The following DRGX variants were observed in gnomAD, a reference collection of about 807,000 sequenced individuals.
DRGX encodes the protein dorsal root ganglia homeobox.
A neutral mutation model predicts 28.6 loss-of-function variants in DRGX; 21 were observed. The observed-to-expected ratio is 0.73, with a 90% CI of 0.52 to 1.06. The LOEUF (loss-of-function observed/expected upper bound fraction) is 1.06. DRGX is among the 50% of genes least tolerant of loss of function. DRGX has a pLI of 0.00. For synonymous variants in DRGX, 136 were observed against 139.1 expected (o/e 0.98, Z 0.16); for missense variants, 354 against 343.9 (o/e 1.03, Z -0.23).
At chr10:49,392,340 A>T (rs1849915576) in intron 2 of DRGX, among the ~76,000 whole-genome samples, 1 of 152,172 alleles carries the variant, frequency 6.6e-6, no homozygotes, top group African/African-American at 2.4e-5. Flanking sequence ...AGTTCCTTTT[A>T]GTTATTCTTT....
chr10:49,391,277 T>G lies in DRGX; in HGVS notation c.35-16A>C. 6.2e-7 allele frequency: 1 copy of G among 1,604,634 alleles called. No homozygotes were observed. The highest frequency in any genetic ancestry group is 8.5e-7 in the Non-Finnish European group (1 of 1,175,306). ...GTTGCAGTGCCTACCAAGAGCAAAC[T>G]GATCAACCTGGGCAGGAAGGGGCCC... On this transcript the variant is annotated splice_polypyrimidine_tract_variant and intron_variant, in intron 2 of 6. Coordinates refer to ENST00000374139, the MANE Select transcript of DRGX (RefSeq NM_001276451.2).
chr10:49,378,985 A>C (rs1849745655), intron 6 of DRGX, among the ~76,000 whole-genome samples: 1 of 152,334 alleles, frequency 6.6e-6, no homozygotes, highest in Admixed American at 6.5e-5. Flanking sequence ...CAAAATTTGA[A>C]ATGCTGTAAA....
chr10:49,377,421 G>T (rs1849728052), intron 6 of DRGX, among the ~76,000 whole-genome samples: 1 of 152,196 alleles, frequency 6.6e-6, no homozygotes, highest in African/African-American at 2.4e-5. Flanking sequence ...AGTCTTCAAT[G>T]GACCACACCT....
chr10:49,382,456 C>T (rs952934687), intron 6 of DRGX, among the ~76,000 whole-genome samples: 10 of 152,176 alleles, frequency 6.6e-5, no homozygotes, highest in Non-Finnish European at 1.3e-4. Flanking sequence ...AACAGCTGTG[C>T]CCAGCTACCT....
In DRGX at chr10:49,365,990, C is replaced by T; in HGVS notation, c.*126G>A. 1 of 1,230,008 alleles carries T rather than the reference C, an allele frequency of 8.1e-7. No individual in the cohort carries two copies. Among genetic ancestry groups the T allele is most frequent in the Non-Finnish European group, 1.1e-6 (1 of 925,486 alleles). 76.2% of individuals were successfully genotyped at this position (1,230,008 alleles called of 1,614,324 possible). On this transcript the variant is annotated 3_prime_UTR_variant, in exon 7 of 7. Transcript: ENST00000374139. ...GGAGCTGTGGGTCTCACTTGCCCGT[C>T]CTGGGTCCATGCAGAGGCCCTGGGG...
intron 6 of DRGX, among the ~76,000 whole-genome samples, chr10:49,377,905 T>C (rs1406953470): frequency 1.3e-5 from 2 of 152,108 alleles, no homozygotes; most frequent in African/African-American, 4.8e-5. Context: ...GAATGGAGAT[T>C]ATAAGAAAAA....
In DRGX at chr10:49,376,703, C is replaced by A. The variant is rs113248308; in HGVS notation, c.526+9775G>T. Among the ~76,000 whole-genome samples, 323 of 152,288 alleles carry A rather than the reference C, an allele frequency of 2.1e-3. 1 individual carries two copies. The highest frequency in any genetic ancestry group is 7.2e-3 in the African/African-American group (301 of 41,562). On this transcript the variant is annotated intron_variant, in intron 6 of 6. Coordinates refer to ENST00000374139, the MANE Select transcript of DRGX (RefSeq NM_001276451.2). ...CACAGGTGAGGAGCCTGAAATCCAC[C>A]CCAAGGTGACCCAGTGTCAAGAAGG... is the stretch of plus-strand genomic sequence containing the variant.
chr10:49,391,367 C>T (rs1207645069), intron 2 of DRGX, 106 bp from the exon 3 acceptor site: 2 of 804,886 alleles, frequency 2.5e-6, no homozygotes, highest in African/African-American at 1.7e-5. Context: ...GACAGGAAGC[C>T]CTGTTTGTCC....
intron 6 of DRGX, among the ~76,000 whole-genome samples, chr10:49,379,605 T>C (rs1436312435): frequency 6.6e-6 from 1 of 152,202 alleles, no homozygotes; most frequent in Non-Finnish European, 1.5e-5. Context: ...CAGCCTGGCC[T>C]GGAAGTCCAA....
chr10:49,371,839 A>T (rs1359259719), intron 6 of DRGX, among the ~76,000 whole-genome samples: 1 of 150,222 alleles, frequency 6.7e-6, no homozygotes, highest in African/African-American at 2.5e-5. Flanking sequence ...ACACAGTTGT[A>T]GTCCCAGCTA....
chr10:49,390,689 G>A (rs558748655), intron 3 of DRGX, among the ~76,000 whole-genome samples: 36 of 152,310 alleles, frequency 2.4e-4, no homozygotes, highest in Non-Finnish European at 2.2e-4. Flanking sequence ...CACTCCAAGA[G>A]TAGGACAGAG....
chr10:49,386,313 A>G (rs1283493519), intron 6 of DRGX, among the ~76,000 whole-genome samples, 165 bp downstream of exon 6: 1 of 152,174 alleles, frequency 6.6e-6, no homozygotes, highest in Non-Finnish European at 1.5e-5. Flanking sequence ...GAAGCAATCA[A>G]GATAGCACTG....
intron 6 of DRGX, among the ~76,000 whole-genome samples, chr10:49,373,880 G>A (rs1016731470): frequency 2.0e-5 from 3 of 152,082 alleles, no homozygotes; most frequent in African/African-American, 7.2e-5. Flanking sequence ...AGCTTCATAG[G>A]TGTATGTATA....
intron 6 of DRGX, among the ~76,000 whole-genome samples, chr10:49,368,542 T>G (rs1369538987): frequency 1.3e-5 from 2 of 152,240 alleles, no homozygotes; most frequent in Non-Finnish European, 2.9e-5. Context: ...TGAGAGACTC[T>G]CATGGGAGAT....
chr10:49,373,087 A>C (rs1849678185), intron 6 of DRGX, among the ~76,000 whole-genome samples: 1 of 152,332 alleles, frequency 6.6e-6, no homozygotes, highest in East Asian at 1.9e-4. Context: ...TTTAAAGATA[A>C]AAAATTTAAA....
rs17009956 is a variant in DRGX at position 49,365,623 on chromosome 10, C to T, written c.*493G>A. On this transcript the variant is annotated 3_prime_UTR_variant, in exon 7 of 7. Transcript: ENST00000374139. ...CAACAAGAGAAAGGGCATTACTGCT[C>T]ATCTTGGTCCAGGGGAGCAAGAGTC... 5,778 of 153,620 alleles carry T rather than the reference C, an allele frequency of 0.038. 304 individuals carry two copies. Among genetic ancestry groups the T allele is most frequent in the African/African-American group, 0.12 (4,823 of 41,640 alleles). The allele number at this position is 153,620 out of a possible 1,614,324, so 9.5% of individuals were successfully genotyped here.
At chr10:49,376,774 C>T (rs192326650) in intron 6 of DRGX, among the ~76,000 whole-genome samples, 1 of 152,296 alleles carries the variant, frequency 6.6e-6, no homozygotes, top group Admixed American at 6.5e-5. Flanking sequence ...TTTCTCTCTG[C>T]CTGGGGGACC....
At position 49,366,358 on chromosome 10, in the gene DRGX, C is replaced by T. The variant is rs143541395; in HGVS notation, c.550G>A (p.Val184Ile). The T allele has an allele frequency of 9.2e-5, 148 of 1,611,298 alleles. 1 individual carries two copies. Among genetic ancestry groups the T allele is most frequent in the East Asian group, 8.7e-4 (39 of 44,784 alleles). ...AAGGAGAGTCCCATGGGGTCTGGGA[C>T]GCAGCAAGAGCACAGTGGGCCCCCT... is the stretch of plus-strand genomic sequence containing the variant. ...LKGGPLCSCC[V>I]PDPMGLSFLP... Residue 184 changes from valine to isoleucine, a missense_variant, in exon 7 of 7, where the codon GTC becomes ATC. Coordinates refer to ENST00000374139, the MANE Select transcript of DRGX (RefSeq NM_001276451.2).
At chr10:49,380,945 G>A (rs773344904) in intron 6 of DRGX, among the ~76,000 whole-genome samples, 2 of 152,158 alleles carry the variant, frequency 1.3e-5, no homozygotes, top group East Asian at 1.9e-4. Flanking sequence ...GCTCTAGCTT[G>A]TGTTCTCCTC....
Sources: allele counts gnomAD v4.1 joint callset (sites outside exome capture counted in the v4.1 genomes callset), GRCh38; gene constraint gnomAD v4.1.1; transcripts MANE v1.5; gene names NCBI Gene and HGNC (gene_info 2026-07-23, HGNC 2026-07-21).